The following STPG1 variants were observed in gnomAD, a reference collection of about 807,000 sequenced individuals.
The protein encoded by STPG1 is sperm tail PG-rich repeat containing 1.
STPG1 carries 33 observed loss-of-function variants against 40.1 expected under a neutral mutation model. The observed-to-expected ratio is 0.82, with a 90% CI of 0.62 to 1.10. STPG1 has a LOEUF of 1.10. Ranked by LOEUF, STPG1 falls within the 50% of genes least tolerant of loss-of-function variation. The pLI is 0.00. For synonymous variants in STPG1, 150 were observed against 155.0 expected (o/e 0.97, Z 0.24); for missense variants, 396 against 415.1 (o/e 0.95, Z 0.40).
rs1641740367 is a variant in STPG1, at chr1:24,371,563, C to A, written c.572-1724G>T. Among the ~76,000 whole-genome samples, 4 of 150,372 alleles carry A rather than the reference C, an allele frequency of 2.7e-5. No homozygotes were observed. In the South Asian group the frequency reaches 8.5e-4, roughly 32 times the overall value. Reference sequence around the variant, plus strand: ...CCGAGATTGCACCGTTGCTCTCCAGCCTGGGCAACAGAGCGAGACTCCCTC... The same window carrying A: ...CCGAGATTGCACCGTTGCTCTCCAGACTGGGCAACAGAGCGAGACTCCCTC... On this transcript the variant is annotated intron_variant, in intron 6 of 8. Transcript: ENST00000337248.
intron 5 of STPG1, among the ~76,000 whole-genome samples, chr1:24,374,359 C>T (rs529757786): frequency 1.2e-3 from 166 of 142,834 alleles, no homozygotes; most frequent in African/African-American, 1.9e-3. Context: ...CCCGGGTTCA[C>T]GCCATTCTCC....
chr1:24,404,499 T>C (rs1643343207), intron 1 of STPG1, among the ~76,000 whole-genome samples: 1 of 152,308 alleles, frequency 6.6e-6, no homozygotes, highest in African/African-American at 2.4e-5. Flanking sequence ...TTGCGTAAAA[T>C]TGGTATTAGT....
In STPG1 at chr1:24,364,257, G is replaced by A. The variant is rs200103413; in HGVS notation, c.738-3216C>T. ...ACTGTCTTGAATGTTCCCATCCTGT[G>A]ACTCAAGTGAGGAACATGGGTTTTG... On this transcript the variant is annotated intron_variant, in intron 7 of 8. Transcript: ENST00000337248. 1.0e-3 allele frequency: 1,610 copies of A among 1,548,618 alleles called. 1 individual carries two copies. Among genetic ancestry groups the A allele is most frequent in the Non-Finnish European group, 1.3e-3 (1,517 of 1,146,380 alleles).
intron 1 of STPG1, among the ~76,000 whole-genome samples, chr1:24,406,048 T>C (rs1643403141): frequency 6.6e-6 from 1 of 152,108 alleles, no homozygotes; most frequent in South Asian, 2.1e-4. Context: ...GATTGGAGTG[T>C]TTAGAACTTT....
At chr1:24,372,632 G>A (rs1179201927) in intron 6 of STPG1, among the ~76,000 whole-genome samples, 1 of 152,246 alleles carries the variant, frequency 6.6e-6, no homozygotes, top group African/African-American at 2.4e-5. Flanking sequence ...AGGCAGGAGA[G>A]CATGAACTGG....
intron 1 of STPG1, among the ~76,000 whole-genome samples, chr1:24,411,205 A>G (rs12027646): frequency 0.19 from 28,981 of 152,152 alleles, 3,236 homozygotes; most frequent in East Asian, 0.3. Flanking sequence ...TGCAATTTTT[A>G]TAATAATCCA....
intron 1 of STPG1, among the ~76,000 whole-genome samples, chr1:24,406,364 T>C (rs60217598): frequency 0.29 from 44,285 of 151,954 alleles, 6,684 homozygotes; most frequent in East Asian, 0.46. Flanking sequence ...ATACATTTTA[T>C]TTCTACATAT....
chr1:24,369,584 C>G, intron 7 of STPG1, 90 bp downstream of exon 7: 3 of 1,414,712 alleles, frequency 2.1e-6, no homozygotes, highest in Non-Finnish European at 2.9e-6. Flanking sequence ...CTGTGCTCTG[C>G]CAAGCAGTGA....
intron 7 of STPG1, among the ~76,000 whole-genome samples, chr1:24,366,458 G>GTCTTT (rs1350864759): frequency 6.6e-6 from 1 of 152,148 alleles, no homozygotes; most frequent in Non-Finnish European, 1.5e-5. Context: ...ATATTCAGCT[G>GTCTTT]TCTTTTCTTT....
upstream of STPG1, chr1:24,414,504 G>A (rs1300061421): frequency 6.9e-6 from 1 of 145,464 alleles, no homozygotes; most frequent in Non-Finnish European, 1.5e-5. Flanking sequence ...CCAATGGCTC[G>A]CCTTTAAATT....
At chr1:24,408,415 G>A (rs1643492085) in intron 1 of STPG1, among the ~76,000 whole-genome samples, 1 of 152,196 alleles carries the variant, frequency 6.6e-6, no homozygotes. Flanking sequence ...AAAAACTTAA[G>A]GAGACCTCTC....
intron 7 of STPG1, chr1:24,368,761 G>A (rs894908933): frequency 6.6e-6 from 1 of 152,318 alleles, no homozygotes; most frequent in African/African-American, 2.4e-5. Context: ...CTGGAGTGCA[G>A]TGGCGCAATC....
intron 2 of STPG1, chr1:24,392,024 G>C (rs968566636): frequency 4.0e-5 from 42 of 1,052,310 alleles, no homozygotes; most frequent in African/African-American, 5.2e-5. Context: ...CAGCCTGGAC[G>C]AGGCGCGGTC....
intron 4 of STPG1, among the ~76,000 whole-genome samples, chr1:24,381,439 G>A (rs536314861): frequency 1.2e-4 from 18 of 152,262 alleles, no homozygotes; most frequent in South Asian, 2.1e-4. Context: ...GCCAAATGCC[G>A]GCATTTATGA....
chr1:24,401,582 G>A (rs1379017257), intron 1 of STPG1, 126 bp from the exon 2 acceptor site: 1 of 597,480 alleles, frequency 1.7e-6, no homozygotes. Context: ...TCTACCAAGT[G>A]CAGTGACCCA....
Position 24,387,026 on chromosome 1 carries a change from C to T in STPG1, c.190-3023G>A, listed in dbSNP as rs957175763. ...ATCATCATCACCATCACCATCACCA[C>T]GCACGATGTTGCCTGCTACTGCCTC... On this transcript the variant is annotated intron_variant, in intron 3 of 8. Coordinates refer to ENST00000337248, the MANE Select transcript of STPG1 (RefSeq NM_001199013.2). Among the ~76,000 whole-genome samples the T allele has an allele frequency of 5.3e-5, 8 of 152,268 alleles. No individual in the cohort carries two copies. The East Asian group carries it at 9.6e-4, about 18-fold the overall frequency.
At chr1:24,379,953 C>A in intron 4 of STPG1, 130 bp from the exon 5 acceptor site, 2 of 861,370 alleles carry the variant, frequency 2.3e-6, no homozygotes, top group Non-Finnish European at 3.5e-6. Context: ...CTGGCAGTAA[C>A]AATGATAAAC....
At chr1:24,404,627 T>C (rs2148714448) in intron 1 of STPG1, among the ~76,000 whole-genome samples, 2 of 152,332 alleles carry the variant, frequency 1.3e-5, no homozygotes, top group South Asian at 4.1e-4. Flanking sequence ...ATCTATTTCT[T>C]CTTAACCGAG....
At chr1:24,371,679 C>T (rs1401424134) in intron 6 of STPG1, among the ~76,000 whole-genome samples, 1 of 152,048 alleles carries the variant, frequency 6.6e-6, no homozygotes, top group African/African-American at 2.4e-5. Flanking sequence ...ATAACTATCT[C>T]TCATATTCTC....
Sources: gnomAD v4.1 joint callset for allele counts (sites outside exome capture counted in the v4.1 genomes callset) on GRCh38, gnomAD v4.1.1 for gene constraint, MANE v1.5 for transcripts, NCBI Gene and HGNC (gene_info 2026-07-23, HGNC 2026-07-21) for gene names.